Variants in CYP7B1 observed in about 807,000 individuals in gnomAD.
CYP7B1 encodes cytochrome P450 family 7 subfamily B member 1, also known as cytochrome P450 7B1.
CYP7B1 carries 29 observed loss-of-function variants against 42.7 expected under a neutral mutation model. The observed-to-expected ratio is 0.68, with a 90% CI of 0.51 to 0.93. The LOEUF (loss-of-function observed/expected upper bound fraction) is 0.93. CYP7B1 is among the 40% of genes least tolerant of loss of function. The probability of loss-of-function intolerance (pLI) is 0.00; values close to 1 mark genes in which losing one functional copy is unlikely to be tolerated. For missense variants in CYP7B1, 655 were observed against 600.5 expected, an observed-to-expected ratio of 1.09 and a Z score of -0.95; for synonymous variants, 235 against 218.2, an observed-to-expected ratio of 1.08 and a Z score of -0.68.
At chr8:64,666,040 G>A (rs1425127276) in intron 1 of CYP7B1, among the ~76,000 whole-genome samples, 1 of 152,140 alleles carries the variant, frequency 6.6e-6, no homozygotes, top group Non-Finnish European at 1.5e-5. Flanking sequence ...TGAGAGAAAA[G>A]ATATTTGAAT....
chr8:64,598,625 T>C (rs1563537575), intron 5 of CYP7B1, among the ~76,000 whole-genome samples: 1 of 152,076 alleles, frequency 6.6e-6, no homozygotes, highest in Non-Finnish European at 1.5e-5. Context: ...ATCACCATGG[T>C]TTTCTGGTTC....
intron 1 of CYP7B1, among the ~76,000 whole-genome samples, chr8:64,681,271 G>T (rs1195063177): frequency 2.0e-5 from 3 of 152,100 alleles, no homozygotes; most frequent in Non-Finnish European, 4.4e-5. Flanking sequence ...TCTTTGTTCA[G>T]CCAGTTAATA....
intron 1 of CYP7B1, among the ~76,000 whole-genome samples, chr8:64,698,093 C>T (rs1002169220): frequency 1.4e-4 from 21 of 152,168 alleles, no homozygotes; most frequent in African/African-American, 5.1e-4. Flanking sequence ...TTTCCAATGT[C>T]TCATGCTTTC....
At chr8:64,709,078 G>A (rs1044229333) in intron 1 of CYP7B1, among the ~76,000 whole-genome samples, 4 of 152,236 alleles carry the variant, frequency 2.6e-5, no homozygotes, top group Admixed American at 1.3e-4. Context: ...TTGAGAAAGG[G>A]GCCGCAGTGC....
intron 1 of CYP7B1, among the ~76,000 whole-genome samples, chr8:64,669,833 A>T (rs953342544): frequency 2.6e-5 from 4 of 152,138 alleles, no homozygotes; most frequent in Non-Finnish European, 5.9e-5. Context: ...AACTTGTTGG[A>T]TGAATTATCT....
At chr8:64,646,230 A>G (rs1805951938) in intron 1 of CYP7B1, among the ~76,000 whole-genome samples, 1 of 152,084 alleles carries the variant, frequency 6.6e-6, no homozygotes, top group African/African-American at 2.4e-5. Flanking sequence ...GCTTCTGCAC[A>G]GCAAAAGAAA....
downstream of CYP7B1, among the ~76,000 whole-genome samples, chr8:64,588,570 C>T (rs1368127446): frequency 6.6e-6 from 1 of 152,222 alleles, no homozygotes; most frequent in Non-Finnish European, 1.5e-5. Context: ...TTATCCTGCT[C>T]TGGCAATTAC....
chr8:64,604,860 G>C lies in CYP7B1; in HGVS notation c.1058-3C>G. 6.2e-7 allele frequency: 1 copy of C among 1,613,274 alleles called. No homozygotes were observed. The highest frequency in any genetic ancestry group is 8.5e-7 in the Non-Finnish European group (1 of 1,179,870). On this transcript the variant is annotated splice_polypyrimidine_tract_variant and splice_region_variant and intron_variant, in intron 4 of 5. Transcript: ENST00000310193. Reference sequence around the variant, plus strand: ...TAAAGCTTCAAAAATGCTGCTTTCTGAAGGAAAAAAACAAACGATAGCTTA... The same window carrying C: ...TAAAGCTTCAAAAATGCTGCTTTCTCAAGGAAAAAAACAAACGATAGCTTA...
At chr8:64,673,136 C>T (rs1026261123) in intron 1 of CYP7B1, among the ~76,000 whole-genome samples, 21 of 152,118 alleles carry the variant, frequency 1.4e-4, no homozygotes, top group African/African-American at 4.8e-4. Flanking sequence ...TTTGTGGGTG[C>T]TGGTACCCCA....
chr8:64,786,192 A>T (rs1454376629), intron 1 of CYP7B1, among the ~76,000 whole-genome samples: 1 of 152,108 alleles, frequency 6.6e-6, no homozygotes, highest in Non-Finnish European at 1.5e-5. Flanking sequence ...TCTTTCTCAC[A>T]TTCCAAAACA....
chr8:64,730,751 G>GCACACACACACACACACA lies in CYP7B1; in HGVS notation c.122+67697_122+67714dup, dbSNP rs61050207. Among the ~76,000 whole-genome samples, 1,060 of 142,942 alleles carry GCACACACACACACACACA rather than the reference G, an allele frequency of 7.4e-3. 18 individuals are homozygous for GCACACACACACACACACA. The highest frequency in any genetic ancestry group is 0.027 in the African/African-American group (1,013 of 37,370). 93.8% of individuals were successfully genotyped at this position (142,942 alleles called of 152,430 possible). On this transcript the variant is annotated intron_variant, in intron 1 of 5. Transcript: ENST00000310193. ...GAACCCTGTGAAGCAAGGACTGTCT[G>GCACACACACACACACACA]CACACACACACACACACACACACAC...
intron 1 of CYP7B1, among the ~76,000 whole-genome samples, chr8:64,717,194 T>C (rs948641614): frequency 2.6e-5 from 4 of 152,076 alleles, no homozygotes; most frequent in Non-Finnish European, 4.4e-5. Flanking sequence ...TCTTTTACTC[T>C]TTTTTTTATA....
intron 1 of CYP7B1, among the ~76,000 whole-genome samples, chr8:64,679,538 A>G (rs1029875509): frequency 1.3e-5 from 2 of 152,156 alleles, no homozygotes; most frequent in African/African-American, 4.8e-5. Flanking sequence ...ACAAATTATT[A>G]TGTGTTTTCC....
At chr8:64,719,354 G>C (rs1468948366) in intron 1 of CYP7B1, among the ~76,000 whole-genome samples, 2 of 152,166 alleles carry the variant, frequency 1.3e-5, no homozygotes, top group Non-Finnish European at 2.9e-5. Flanking sequence ...TCAGTAGTGA[G>C]TGCAGCGATT....
chr8:64,651,223 G>T (rs550405489), intron 1 of CYP7B1, among the ~76,000 whole-genome samples: 4 of 152,266 alleles, frequency 2.6e-5, no homozygotes, highest in African/African-American at 9.6e-5. Context: ...CTTCTATTAT[G>T]CAGGGTAGCC....
chr8:64,645,576 T>C (rs1805938346), intron 1 of CYP7B1, among the ~76,000 whole-genome samples: 1 of 152,234 alleles, frequency 6.6e-6, no homozygotes, highest in South Asian at 2.1e-4. Flanking sequence ...GAACATTTCA[T>C]GCTCGTGGGT....
chr8:64,589,761 AT>A (rs1398772194), downstream of CYP7B1: 1 of 152,214 alleles, frequency 6.6e-6, no homozygotes, highest in African/African-American at 2.4e-5. Context: ...AAATGTTTAA[AT>A]TTGACTCAAT....
At chr8:64,667,408 C>A (rs1044055142) in intron 1 of CYP7B1, among the ~76,000 whole-genome samples, 3 of 152,112 alleles carry the variant, frequency 2.0e-5, no homozygotes, top group African/African-American at 7.2e-5. Context: ...GAGATTAATT[C>A]TTTCCTATTC....
In CYP7B1 at chr8:64,665,559, G is replaced by GTTTTTTTTTT. The variant is rs540578806; in HGVS notation, c.123-41030_123-41021dup. 1.4e-3 allele frequency among the ~76,000 whole-genome samples: 74 copies of GTTTTTTTTTT among 52,044 alleles called. 4 individuals carry two copies. Among genetic ancestry groups the GTTTTTTTTTT allele is most frequent in the Non-Finnish European group, 1.9e-3 (60 of 31,366 alleles). The allele number at this position is 52,044 out of a possible 152,430, so 34.1% of individuals were successfully genotyped here. ...ATTTTAAGTGTTTTTTTTTTTGGTG[G>GTTTTTTTTTT]TTTTTTTTTTTTTTTTTTTTTTTTT... On this transcript the variant is annotated intron_variant, in intron 1 of 5. Coordinates refer to ENST00000310193, the MANE Select transcript of CYP7B1 (RefSeq NM_004820.5).
Sources: gnomAD v4.1 joint callset for allele counts (sites outside exome capture counted in the v4.1 genomes callset) on GRCh38, gnomAD v4.1.1 for gene constraint, MANE v1.5 for transcripts, NCBI Gene and HGNC (gene_info 2026-07-23, HGNC 2026-07-21) for gene names.